The following SDK1 variants were observed in gnomAD, a reference collection of about 807,000 sequenced individuals.
The protein encoded by SDK1 is sidekick cell adhesion molecule 1.
SDK1 carries 157 observed loss-of-function variants against 245.5 expected under a neutral mutation model. The observed-to-expected ratio is 0.64, with a 90% CI of 0.56 to 0.73. The LOEUF (loss-of-function observed/expected upper bound fraction) is 0.73. Among genes scored for constraint, SDK1 ranks in the 30% least tolerant of loss-of-function variants. The pLI, the probability that SDK1 is intolerant of heterozygous loss-of-function variation, is 0.00. For synonymous variants in SDK1, 1,647 were observed against 1,278.5 expected, an observed-to-expected ratio of 1.29 and a Z score of -6.15; for missense variants, 3,583 against 3,002.3, an observed-to-expected ratio of 1.19 and a Z score of -4.52.
chr7:3,838,521 C>T (rs1172907428), intron 5 of SDK1, among the ~76,000 whole-genome samples: 2 of 152,256 alleles, frequency 1.3e-5, no homozygotes, highest in African/African-American at 4.8e-5. Context: ...TCTCTGTTCA[C>T]AGACTTGCAG....
intron 1 of SDK1, among the ~76,000 whole-genome samples, chr7:3,506,771 G>T (rs1782405443): frequency 6.7e-6 from 1 of 149,504 alleles, no homozygotes; most frequent in South Asian, 2.1e-4. Flanking sequence ...TTCAGGTGTT[G>T]TATTTTTCAA....
At chr7:3,333,820 G>A (rs950028094) in intron 1 of SDK1, among the ~76,000 whole-genome samples, 12 of 152,254 alleles carry the variant, frequency 7.9e-5, no homozygotes, top group South Asian at 2.1e-4. Context: ...AATTGTTGAG[G>A]GTACTTAGAA....
intron 4 of SDK1, among the ~76,000 whole-genome samples, chr7:3,709,663 C>T (rs569828966): frequency 2.6e-5 from 4 of 152,226 alleles, no homozygotes; most frequent in African/African-American, 9.6e-5. Context: ...AAGGGGGAGA[C>T]GCATGCTAAC....
At chr7:3,447,734 C>G (rs1240343079) in intron 1 of SDK1, among the ~76,000 whole-genome samples, 2 of 120,718 alleles carry the variant, frequency 1.7e-5, no homozygotes, top group African/African-American at 6.5e-5. Context: ...GATAGAGTTT[C>G]ACTCTCGTTG....
intron 1 of SDK1, among the ~76,000 whole-genome samples, chr7:3,322,157 A>G (rs951603531): frequency 6.6e-6 from 1 of 152,036 alleles, no homozygotes; most frequent in African/African-American, 2.4e-5. Flanking sequence ...AGGAAGTCCC[A>G]TACGTATTAA....
At chr7:4,217,011 GGAGCACCACA>G (rs1562445214) in intron 38 of SDK1, among the ~76,000 whole-genome samples, 105 of 134,678 alleles carry the variant, frequency 7.8e-4, no homozygotes, top group African/African-American at 2.9e-3. Flanking sequence ...CAGGCCACCC[GGAGCACCACA>G]CCACCCGGAG....
At chr7:3,729,391 A>C (rs1462948959) in intron 4 of SDK1, among the ~76,000 whole-genome samples, 3 of 152,062 alleles carry the variant, frequency 2.0e-5, no homozygotes, top group Admixed American at 2.0e-4. Context: ...GTCGAGGGGG[A>C]GGATTTATCC....
intron 28 of SDK1, among the ~76,000 whole-genome samples, chr7:4,139,846 C>A (rs1234361478): frequency 6.6e-6 from 1 of 152,070 alleles, no homozygotes; most frequent in African/African-American, 2.4e-5. Flanking sequence ...TCGCCCTGCG[C>A]TGTCTGGGCT....
Position 3,905,996 on chromosome 7 carries a change from A to G in SDK1, c.848-44927A>G, listed in dbSNP as rs562205604. ...TCACTTGTTTTGGTCTCCTTCTAGA[A>G]CTCCGATTTAAGCATATTTGCATCT... On this transcript the variant is annotated intron_variant, in intron 5 of 44. Coordinates refer to ENST00000404826, the MANE Select transcript of SDK1 (RefSeq NM_152744.4). 2.0e-4 allele frequency among the ~76,000 whole-genome samples: 30 copies of G among 151,208 alleles called. No homozygotes were observed. In the South Asian group the frequency reaches 4.6e-3, roughly 23 times the overall value.
chr7:3,700,948 A>G (rs1460736234), intron 4 of SDK1, among the ~76,000 whole-genome samples: 1 of 152,080 alleles, frequency 6.6e-6, no homozygotes, highest in East Asian at 1.9e-4. Context: ...GGAGATTGGT[A>G]GAGTAAAGAA....
At chr7:3,839,666 A>T (rs1257820290) in intron 5 of SDK1, among the ~76,000 whole-genome samples, 1 of 152,228 alleles carries the variant, frequency 6.6e-6, no homozygotes, top group African/African-American at 2.4e-5. Flanking sequence ...AACTAATTAA[A>T]AAAAGAACAT....
chr7:3,503,130 C>T (rs565835715), intron 1 of SDK1, among the ~76,000 whole-genome samples: 4 of 152,074 alleles, frequency 2.6e-5, no homozygotes, highest in African/African-American at 9.7e-5. Context: ...TCTTGTCCTC[C>T]TCTGCAAATG....
rs974924072 is a variant in SDK1, at chr7:4,001,226, G to A, written c.2132-9740G>A. Among the ~76,000 whole-genome samples the A allele has an allele frequency of 3.9e-5, 6 of 152,188 alleles. No individual in the cohort carries two copies. In the South Asian group the frequency reaches 1.2e-3, roughly 31 times the overall value. On this transcript the variant is annotated intron_variant, in intron 14 of 44. Transcript: ENST00000404826. ...GAGAGGGGCCCCTGCTCCACCCACTGCCTGCCAGCTATCTCCAGCCTGTTG... is the reference window on the plus strand; with the variant it reads ...GAGAGGGGCCCCTGCTCCACCCACTACCTGCCAGCTATCTCCAGCCTGTTG...
At chr7:3,544,700 T>C (rs1393545575) in intron 1 of SDK1, among the ~76,000 whole-genome samples, 1 of 152,204 alleles carries the variant, frequency 6.6e-6, no homozygotes, top group African/African-American at 2.4e-5. Context: ...AACTAGGATA[T>C]GCTACAGCAC....
At chr7:3,461,929 A>C (rs780707853) in intron 1 of SDK1, among the ~76,000 whole-genome samples, 1 of 152,150 alleles carries the variant, frequency 6.6e-6, no homozygotes, top group South Asian at 2.1e-4. Context: ...GCTCTTAACC[A>C]GATCAGTTTC....
At chr7:3,302,607 C>T (rs1438256686) in intron 1 of SDK1, among the ~76,000 whole-genome samples, 5 of 151,938 alleles carry the variant, frequency 3.3e-5, no homozygotes, top group Non-Finnish European at 5.9e-5. Flanking sequence ...TCTGGGCTTC[C>T]CTCCACCCCC....
intron 1 of SDK1, among the ~76,000 whole-genome samples, chr7:3,417,710 A>T (rs903265750): frequency 6.6e-6 from 1 of 152,100 alleles, no homozygotes; most frequent in Non-Finnish European, 1.5e-5. Flanking sequence ...ATTGTTACAT[A>T]AAGTGTTTAG....
chr7:3,700,634 G>T (rs968771160), intron 4 of SDK1, among the ~76,000 whole-genome samples: 1 of 151,966 alleles, frequency 6.6e-6, no homozygotes, highest in Non-Finnish European at 1.5e-5. Flanking sequence ...AGAAATCAGG[G>T]AAACAAGAAA....
chr7:4,146,356 C>T (rs551688999), intron 29 of SDK1, among the ~76,000 whole-genome samples: 2 of 150,422 alleles, frequency 1.3e-5, no homozygotes, highest in African/African-American at 2.5e-5. Flanking sequence ...GCATTGCATT[C>T]ACACCTTCTG....
Sources: gnomAD v4.1 joint callset for allele counts (sites outside exome capture counted in the v4.1 genomes callset) on GRCh38, gnomAD v4.1.1 for gene constraint, MANE v1.5 for transcripts, NCBI Gene and HGNC (gene_info 2026-07-23, HGNC 2026-07-21) for gene names.